DPP6: variants seen among roughly 807,000 people sequenced by gnomAD.
DPP6 encodes dipeptidyl peptidase like 6, also known as A-type potassium channel modulatory protein DPP6.
DPP6 carries 69 observed loss-of-function variants against 122.6 expected under a neutral mutation model. That is an observed-to-expected ratio of 0.56 (90% confidence interval 0.46 to 0.69). The LOEUF is 0.69. Among genes scored for constraint, DPP6 ranks in the 30% least tolerant of loss-of-function variants. The pLI is 0.00. For missense variants in DPP6, 928 were observed against 1,116.9 expected, an observed-to-expected ratio of 0.83 and a Z score of 2.41; for synonymous variants, 418 against 433.1, an observed-to-expected ratio of 0.97 and a Z score of 0.43.
intron 5 of DPP6, among the ~76,000 whole-genome samples, chr7:154,632,237 G>A (rs1226763995): frequency 6.6e-6 from 1 of 152,198 alleles, no homozygotes; most frequent in Non-Finnish European, 1.5e-5. Flanking sequence ...GAAACCTTTA[G>A]GCTGAACTTA....
chr7:154,490,608 A>T (rs73729305), intron 3 of DPP6, among the ~76,000 whole-genome samples: 8,669 of 152,292 alleles, frequency 0.057, 810 homozygotes, highest in African/African-American at 0.19. Flanking sequence ...AATACTTGAA[A>T]GTAGTTTGTG....
At chr7:154,474,735 C>T (rs1277782825) in intron 2 of DPP6, among the ~76,000 whole-genome samples, 1 of 152,178 alleles carries the variant, frequency 6.6e-6, no homozygotes, top group African/African-American at 2.4e-5. Context: ...TGATGCCGTT[C>T]TACTGAATCA....
intron 1 of DPP6, among the ~76,000 whole-genome samples, chr7:153,961,646 A>G (rs1472063071): frequency 1.3e-5 from 2 of 151,804 alleles, no homozygotes; most frequent in African/African-American, 2.4e-5. Flanking sequence ...ATTACATTGT[A>G]ACGTATAATG....
chr7:153,900,242 T>G (rs576165409), intron 1 of DPP6, among the ~76,000 whole-genome samples: 1 of 151,648 alleles, frequency 6.6e-6, no homozygotes, highest in African/African-American at 2.4e-5. Context: ...CTTTCTGTTT[T>G]TTTTTTTTTT....
chr7:154,366,944 G>A (rs567023235), intron 1 of DPP6, among the ~76,000 whole-genome samples: 13 of 152,298 alleles, frequency 8.5e-5, no homozygotes, highest in African/African-American at 2.4e-4. Context: ...GTTTGAGCAC[G>A]CATGGAAAAC....
intron 19 of DPP6, among the ~76,000 whole-genome samples, chr7:154,873,982 A>G (rs1191812112): frequency 6.6e-6 from 1 of 151,426 alleles, no homozygotes; most frequent in Non-Finnish European, 1.5e-5. Context: ...AAGCACACAC[A>G]TGCATACCCA....
intron 19 of DPP6, among the ~76,000 whole-genome samples, chr7:154,873,694 T>G (rs972161964): frequency 6.6e-6 from 1 of 152,112 alleles, no homozygotes; most frequent in African/African-American, 2.4e-5. Flanking sequence ...CTGGACTGCT[T>G]TCACACTTTC....
chr7:154,003,285 A>G (rs1367376282), intron 1 of DPP6, among the ~76,000 whole-genome samples: 1 of 152,214 alleles, frequency 6.6e-6, no homozygotes, highest in Non-Finnish European at 1.5e-5. Flanking sequence ...GAGTTTATGA[A>G]TCTTCACTAA....
intron 18 of DPP6, among the ~76,000 whole-genome samples, chr7:154,870,612 CAAAA>C (rs1225136269): frequency 6.6e-6 from 1 of 151,638 alleles, no homozygotes; most frequent in Non-Finnish European, 1.5e-5. Context: ...TCTCAAAAAA[CAAAA>C]AACAAACAAA....
At chr7:154,313,337 A>G (rs1374873402) in intron 1 of DPP6, among the ~76,000 whole-genome samples, 1 of 152,168 alleles carries the variant, frequency 6.6e-6, no homozygotes, top group Non-Finnish European at 1.5e-5. Context: ...AGGGGCACAC[A>G]GAGATGGTTT....
Position 154,053,768 on chromosome 7 carries a change from G to A in DPP6, c.243+705G>A, listed in dbSNP as rs952613816. On this transcript the variant is annotated intron_variant, in intron 1 of 25. Coordinates refer to ENST00000377770, the MANE Select transcript of DPP6 (RefSeq NM_130797.4). ...TGGACTAGCACCTCTGCCTTAGACC[G>A]TGTTCAGTGAAAACTTCTCCGAGAG... is the stretch of plus-strand genomic sequence containing the variant. Among the ~76,000 whole-genome samples, 8 of 151,596 alleles carry A rather than the reference G, an allele frequency of 5.3e-5. No homozygotes were observed. The East Asian group carries it at 7.7e-4, about 15-fold the overall frequency.
At chr7:154,712,746 G>A (rs141497647) in intron 7 of DPP6, among the ~76,000 whole-genome samples, 354 of 152,240 alleles carry the variant, frequency 2.3e-3, no homozygotes, top group Middle Eastern at 6.8e-3. Flanking sequence ...TACCTGGTCC[G>A]TCTGAAGACA....
upstream of DPP6, among the ~76,000 whole-genome samples, chr7:153,883,951 A>G (rs932835903): frequency 5.9e-5 from 9 of 152,224 alleles, no homozygotes; most frequent in African/African-American, 2.2e-4. Flanking sequence ...GTTAAGTGTT[A>G]GGAGAAAATG....
rs142238331 is a variant in DPP6, at chr7:153,888,705, C to CT, written c.51+996dup. On this transcript the variant is annotated intron_variant, in intron 1 of 25. Transcript: ENST00000404039. ...CCTTATTTTAAGTTGCTGGCTGGCA[C>CT]TTTTTTTTTTTTTTTTTTTTTTTTT... 9.4e-3 allele frequency among the ~76,000 whole-genome samples: 722 copies of CT among 76,958 alleles called. 10 individuals carry two copies. Among genetic ancestry groups the CT allele is most frequent in the East Asian group, 0.049 (139 of 2,822 alleles). 50.5% of individuals were successfully genotyped at this position (76,958 alleles called of 152,430 possible).
At chr7:154,421,260 G>T (rs10256990) in intron 1 of DPP6, among the ~76,000 whole-genome samples, 1 of 151,724 alleles carries the variant, frequency 6.6e-6, no homozygotes, top group African/African-American at 2.4e-5. Context: ...CTGCCATACT[G>T]TCTTTGGCCC....
intron 1 of DPP6, among the ~76,000 whole-genome samples, chr7:154,401,887 A>C (rs1280743920): frequency 6.6e-6 from 1 of 152,214 alleles, no homozygotes; most frequent in Admixed American, 6.5e-5. Context: ...CAATGAACTC[A>C]AACAAATTTA....
chr7:153,836,424 A>C, the DPP6 span, among the ~76,000 whole-genome samples: 1 of 152,210 alleles, frequency 6.6e-6, no homozygotes, highest in South Asian at 2.1e-4. Context: ...CTAATATAGC[A>C]GTTTGCTCTG....
intron 7 of DPP6, among the ~76,000 whole-genome samples, chr7:154,683,693 A>G (rs1262539730): frequency 4.6e-5 from 7 of 151,878 alleles, no homozygotes; most frequent in African/African-American, 1.7e-4. Flanking sequence ...ACCCCTTCAC[A>G]TGCTTTGTGA....
In DPP6 at chr7:154,061,760, T is replaced by G. The variant is rs1801958896; in HGVS notation, c.243+8697T>G. ...CCTCCCCCTTTCCTCCCCTGGCTCT[T>G]TGCACCCCCATCGCAGGGAGGGAGG... On this transcript the variant is annotated intron_variant, in intron 1 of 25. Transcript: ENST00000377770. Among the ~76,000 whole-genome samples, 4 of 107,170 alleles carry G rather than the reference T, an allele frequency of 3.7e-5. 1 individual carries two copies. Among genetic ancestry groups the G allele is most frequent in the African/African-American group, 7.2e-5 (2 of 27,754 alleles). 70.3% of individuals were successfully genotyped at this position (107,170 alleles called of 152,430 possible).
Sources: gnomAD v4.1 joint callset for allele counts (sites outside exome capture counted in the v4.1 genomes callset) on GRCh38, gnomAD v4.1.1 for gene constraint, MANE v1.5 for transcripts, NCBI Gene and HGNC (gene_info 2026-07-23, HGNC 2026-07-21) for gene names.